ZRANB3: variants seen among roughly 807,000 people sequenced by gnomAD.
ZRANB3 encodes DNA annealing helicase and endonuclease ZRANB3.
In ZRANB3, 125 loss-of-function variants were observed where a neutral mutation model predicts 133.8. The ratio of observed to expected loss-of-function variants is 0.93; its 90% CI spans 0.81 to 1.08. The LOEUF is 1.08. Ranked by LOEUF, ZRANB3 falls within the 50% of genes least tolerant of loss-of-function variation. The pLI, the probability that ZRANB3 is intolerant of heterozygous loss-of-function variation, is 0.00. For missense variants in ZRANB3, 1,229 were observed against 1,275.5 expected, an observed-to-expected ratio of 0.96 and a Z score of 0.56; for synonymous variants, 387 against 432.7, an observed-to-expected ratio of 0.89 and a Z score of 1.31.
At chr2:135,405,748 G>T (rs936715910) in intron 2 of ZRANB3, among the ~76,000 whole-genome samples, 1 of 152,138 alleles carries the variant, frequency 6.6e-6, no homozygotes, top group Non-Finnish European at 1.5e-5. Flanking sequence ...TGAAGGCAGA[G>T]ATCAAGATGT....
chr2:135,480,422 A>G (rs1471160006), intron 2 of ZRANB3, among the ~76,000 whole-genome samples: 1 of 152,162 alleles, frequency 6.6e-6, no homozygotes, highest in Admixed American at 6.5e-5. Flanking sequence ...TAAGGATTAT[A>G]AGACAACAAA....
chr2:135,426,883 T>A (rs1417277837), intron 2 of ZRANB3, among the ~76,000 whole-genome samples: 3 of 50,634 alleles, frequency 5.9e-5, no homozygotes, highest in Admixed American at 2.8e-4. Flanking sequence ...TATATATATA[T>A]ATATATATAT....
intron 2 of ZRANB3, among the ~76,000 whole-genome samples, chr2:135,422,489 CG>C (rs1306088808): frequency 9.6e-6 from 1 of 104,352 alleles, no homozygotes; most frequent in African/African-American, 3.8e-5. Flanking sequence ...TTAAAAAAGG[CG>C]GGGGGCAGGG....
At chr2:135,308,062 C>T (rs2104817102) in intron 8 of ZRANB3, among the ~76,000 whole-genome samples, 1 of 152,168 alleles carries the variant, frequency 6.6e-6, no homozygotes, top group African/African-American at 2.4e-5. Context: ...TTTGAGTCTC[C>T]TGGTACCAAC....
chr2:135,217,974 G>A (rs182283653), intron 16 of ZRANB3, among the ~76,000 whole-genome samples: 78 of 152,128 alleles, frequency 5.1e-4, no homozygotes, highest in African/African-American at 1.8e-3. Context: ...CACCATACCT[G>A]GCTAGTTTTT....
rs367696627 is a variant in ZRANB3 at position 135,294,654 on chromosome 2, G to T, written c.966+18835C>A. Among the ~76,000 whole-genome samples the T allele has an allele frequency of 7.3e-4, 111 of 152,116 alleles. 2 individuals are homozygous for T. The East Asian group carries it at 0.018, about 25-fold the overall frequency. ...CTTCTGCTAGCTTTTGAATGTGTTT[G>T]CTCTTGCTTCTCTAGTTCTTTTAAT... is the stretch of plus-strand genomic sequence containing the variant. On this transcript the variant is annotated intron_variant, in intron 8 of 20. Coordinates refer to ENST00000264159, the MANE Select transcript of ZRANB3 (RefSeq NM_032143.4).
intron 12 of ZRANB3, among the ~76,000 whole-genome samples, chr2:135,255,443 C>T (rs1679607930): frequency 6.6e-6 from 1 of 152,158 alleles, no homozygotes. Context: ...CTTTTCTGTT[C>T]CTTGTTTCTC....
At chr2:135,266,340 TC>T (rs1680245996) in intron 11 of ZRANB3, among the ~76,000 whole-genome samples, 1 of 152,194 alleles carries the variant, frequency 6.6e-6, no homozygotes, top group African/African-American at 2.4e-5. Flanking sequence ...CTAACATATT[TC>T]TTTTGTATGA....
chr2:135,449,040 C>G (rs960901902), intron 2 of ZRANB3, among the ~76,000 whole-genome samples: 1 of 152,168 alleles, frequency 6.6e-6, no homozygotes, highest in Non-Finnish European at 1.5e-5. Flanking sequence ...CACTGTAATA[C>G]TAGGTGATTT....
At chr2:135,397,527 A>G (rs564239984) in intron 2 of ZRANB3, among the ~76,000 whole-genome samples, 20 of 152,254 alleles carry the variant, frequency 1.3e-4, no homozygotes, top group Admixed American at 2.0e-4. Flanking sequence ...TTGAAGAAAT[A>G]AGGAAGATTT....
At chr2:135,209,273 T>A (rs981038159) in intron 17 of ZRANB3, among the ~76,000 whole-genome samples, 2 of 152,188 alleles carry the variant, frequency 1.3e-5, no homozygotes, top group Admixed American at 6.5e-5. Flanking sequence ...GGAGTCGGTG[T>A]GAGAATAAGA....
At chr2:135,495,248 T>TA (rs932611124) in intron 2 of ZRANB3, among the ~76,000 whole-genome samples, 8 of 151,148 alleles carry the variant, frequency 5.3e-5, no homozygotes, top group South Asian at 4.2e-4. Flanking sequence ...AAACTAAGAA[T>TA]AAAAAAAAAT....
intron 2 of ZRANB3, among the ~76,000 whole-genome samples, chr2:135,435,145 C>A (rs76381254): frequency 1.3e-5 from 2 of 151,982 alleles, no homozygotes; most frequent in African/African-American, 4.8e-5. Context: ...CTCCTCCCAC[C>A]CTCCCCCTTC....
intron 6 of ZRANB3, among the ~76,000 whole-genome samples, chr2:135,334,936 ATTTAAT>A (rs1313534326): frequency 1.4e-4 from 22 of 152,200 alleles, no homozygotes; most frequent in African/African-American, 5.1e-4. Flanking sequence ...AAATAATTTA[ATTTAAT>A]TTTAAGTTCC....
At chr2:135,397,584 T>C (rs976481952) in intron 2 of ZRANB3, among the ~76,000 whole-genome samples, 1 of 152,220 alleles carries the variant, frequency 6.6e-6, no homozygotes, top group African/African-American at 2.4e-5. Context: ...GTAGCTCCTC[T>C]TCTTCTTAAA....
chr2:135,517,940 T>C (rs1433386455), intron 1 of ZRANB3, among the ~76,000 whole-genome samples: 1 of 152,160 alleles, frequency 6.6e-6, no homozygotes, highest in Non-Finnish European at 1.5e-5. Flanking sequence ...CTCCTTTCTT[T>C]TGGAGATGCC....
chr2:135,481,627 C>A (rs958440615), intron 2 of ZRANB3, among the ~76,000 whole-genome samples: 1 of 149,970 alleles, frequency 6.7e-6, no homozygotes, highest in Non-Finnish European at 1.5e-5. Flanking sequence ...TAATTAGATC[C>A]CATTTGTCAA....
At chr2:135,507,412 C>A (rs948934195) in intron 1 of ZRANB3, among the ~76,000 whole-genome samples, 2 of 152,158 alleles carry the variant, frequency 1.3e-5, no homozygotes, top group African/African-American at 4.8e-5. Context: ...AGCTACTAAT[C>A]AGATATACTA....
At chr2:135,492,551 C>T (rs905982028) in intron 2 of ZRANB3, among the ~76,000 whole-genome samples, 5 of 152,098 alleles carry the variant, frequency 3.3e-5, no homozygotes, top group Admixed American at 2.6e-4. Flanking sequence ...TTCTAAAAAT[C>T]CCTCCTTTTG....
Sources: gnomAD v4.1 joint callset for allele counts (sites outside exome capture counted in the v4.1 genomes callset) on GRCh38, gnomAD v4.1.1 for gene constraint, MANE v1.5 for transcripts, NCBI Gene and HGNC (gene_info 2026-07-23, HGNC 2026-07-21) for gene names.